MECOM: variants seen among roughly 807,000 people sequenced by gnomAD.
The protein encoded by MECOM is histone-lysine N-methyltransferase MECOM.
In MECOM, 13 loss-of-function variants were observed where a neutral mutation model predicts 116.3. The ratio of observed to expected loss-of-function variants is 0.11; its 90% CI spans 0.07 to 0.18. The LOEUF (loss-of-function observed/expected upper bound fraction) is 0.18. Ranked by LOEUF, MECOM falls within the 10% of genes least tolerant of loss-of-function variation. The pLI, the probability that MECOM is intolerant of heterozygous loss-of-function variation, is 1.00. For synonymous variants in MECOM, 528 were observed against 535.2 expected (o/e 0.99, Z 0.19); for missense variants, 1,299 against 1,509.0 (o/e 0.86, Z 2.31).
At chr3:169,566,889 A>T (rs561483693) in intron 1 of MECOM, among the ~76,000 whole-genome samples, 1 of 152,370 alleles carries the variant, frequency 6.6e-6, no homozygotes, top group East Asian at 1.9e-4. Context: ...GTCATCCAAC[A>T]TGGTGAGGAA....
intron 1 of MECOM, among the ~76,000 whole-genome samples, chr3:169,434,581 C>G (rs1742319831): frequency 6.6e-6 from 1 of 151,988 alleles, no homozygotes; most frequent in Non-Finnish European, 1.5e-5. Context: ...AACAAAAAGA[C>G]AGCAGATTTA....
intron 2 of MECOM, among the ~76,000 whole-genome samples, chr3:169,166,582 A>G (rs1341862950): frequency 1.3e-5 from 2 of 152,188 alleles, no homozygotes; most frequent in Non-Finnish European, 2.9e-5. Context: ...AATCAATATA[A>G]AACCAAAAAT....
At chr3:169,106,336 T>C (rs969305303) in intron 10 of MECOM, among the ~76,000 whole-genome samples, 4 of 152,116 alleles carry the variant, frequency 2.6e-5, no homozygotes, top group African/African-American at 7.2e-5. Flanking sequence ...GGTGTATATA[T>C]CTGTGGGATA....
intron 2 of MECOM, among the ~76,000 whole-genome samples, chr3:169,317,590 C>T (rs184306945): frequency 1.2e-4 from 19 of 152,298 alleles, no homozygotes; most frequent in Admixed American, 3.9e-4. Flanking sequence ...GTTTATTTTA[C>T]TGAAATCCAG....
Position 169,162,750 on chromosome 3 carries a change from C to T in MECOM, c.376-18918G>A, listed in dbSNP as rs1424742466. Among the ~76,000 whole-genome samples the T allele has an allele frequency of 3.3e-5, 5 of 152,150 alleles. No individual in the cohort carries two copies. The East Asian group carries it at 5.8e-4, about 18-fold the overall frequency. ...GTTCCAAACAGATAGATTAATTTTC[C>T]GATGGATTCCAATATACCAGACAGT... On this transcript the variant is annotated intron_variant, in intron 2 of 16. Transcript: ENST00000651503.
rs760399228 is a variant in MECOM at position 169,095,289 on chromosome 3, G to T, written c.2850-44C>A. The T allele has an allele frequency of 3.2e-6, 5 of 1,547,148 alleles. 1 individual carries two copies. In the African/African-American group the frequency reaches 4.1e-5, roughly 13 times the overall value. ...GAAAATATTAGCAAGCACATTAAAA[G>T]GTATTTCTCAAGACTAGTTAGCCAG... On this transcript the variant is annotated intron_variant, in intron 12 of 16. Coordinates refer to ENST00000651503, the MANE Select transcript of MECOM (RefSeq NM_004991.4).
intron 1 of MECOM, among the ~76,000 whole-genome samples, chr3:169,584,340 C>A (rs985077504): frequency 2.0e-5 from 3 of 151,522 alleles, no homozygotes; most frequent in Non-Finnish European, 4.4e-5. Flanking sequence ...CCGGGGCGGG[C>A]GGATCACGAG....
chr3:169,362,827 T>C (rs1728522941), intron 2 of MECOM, among the ~76,000 whole-genome samples: 1 of 151,978 alleles, frequency 6.6e-6, no homozygotes, highest in African/African-American at 2.4e-5. Flanking sequence ...TCTTGGGGCT[T>C]TGCTGTTTCA....
intron 2 of MECOM, among the ~76,000 whole-genome samples, chr3:169,330,865 A>G (rs1722606840): frequency 6.6e-6 from 1 of 152,110 alleles, no homozygotes; most frequent in African/African-American, 2.4e-5. Context: ...TCTTATGCAC[A>G]GACCCTAAAT....
At chr3:169,606,540 G>A (rs966681865) in intron 1 of MECOM, among the ~76,000 whole-genome samples, 2 of 152,120 alleles carry the variant, frequency 1.3e-5, no homozygotes, top group African/African-American at 4.8e-5. Flanking sequence ...CTACTAGTTA[G>A]CATACAGACT....
chr3:169,378,504 A>AGC (rs1731696050), intron 2 of MECOM, among the ~76,000 whole-genome samples: 3 of 25,652 alleles, frequency 1.2e-4, no homozygotes, highest in South Asian at 1.1e-3. Flanking sequence ...AAAGAAAGAA[A>AGC]GAAAGAAAGA....
chr3:169,341,578 A>G (rs1395605302), intron 2 of MECOM, among the ~76,000 whole-genome samples: 1 of 151,924 alleles, frequency 6.6e-6, no homozygotes, highest in Middle Eastern at 3.2e-3. Context: ...CATCTCTACT[A>G]AAAATACAAA....
rs766847183 is a variant in MECOM, at chr3:169,116,547, C to G, written c.1325G>C (p.Gly442Ala). The G allele has an allele frequency of 6.2e-7, 1 of 1,614,138 alleles. No homozygotes were observed. The highest frequency in any genetic ancestry group is 2.2e-5 in the East Asian group (1 of 44,888). Residue 442 changes from glycine to alanine, a missense_variant, in exon 8 of 17, where the codon GGC (glycine) becomes GCC (alanine). Gly to Ala is a moderately conservative substitution (Grantham distance 60). Coordinates refer to ENST00000651503, the MANE Select transcript of MECOM (RefSeq NM_004991.4). ...AGCTGGGGTTCCAGGAAGTGAAATG[C>G]CTTGGCCAAAAAATCCACCTGCCGC... ...HFAAGGFFGQ[G>A]ISLPGTPAMD...
intron 2 of MECOM, among the ~76,000 whole-genome samples, chr3:169,182,284 A>G (rs1305524443): frequency 6.6e-6 from 1 of 152,222 alleles, no homozygotes; most frequent in Non-Finnish European, 1.5e-5. Flanking sequence ...GACAATCAGC[A>G]TACTCTTCTT....
At chr3:169,328,032 G>A (rs1018329324) in intron 2 of MECOM, among the ~76,000 whole-genome samples, 13 of 152,280 alleles carry the variant, frequency 8.5e-5, no homozygotes, top group African/African-American at 2.9e-4. Flanking sequence ...TATCATTTTA[G>A]CTGTCTCAAG....
At chr3:169,235,934 T>C (rs1754004888) in intron 2 of MECOM, among the ~76,000 whole-genome samples, 1 of 152,118 alleles carries the variant, frequency 6.6e-6, no homozygotes, top group Non-Finnish European at 1.5e-5. Context: ...CCTTTTTTTT[T>C]ACTTTATAAT....
chr3:169,398,131 G>A (rs1735294438), intron 1 of MECOM, among the ~76,000 whole-genome samples: 1 of 152,150 alleles, frequency 6.6e-6, no homozygotes, highest in African/African-American at 2.4e-5. Flanking sequence ...AATACATGTG[G>A]AAACATGGCA....
chr3:169,260,457 A>G (rs1253053734), intron 2 of MECOM, among the ~76,000 whole-genome samples: 1 of 145,588 alleles, frequency 6.9e-6, no homozygotes, highest in African/African-American at 2.7e-5. Flanking sequence ...GCAAGCATGC[A>G]ATGATTTTTT....
chr3:169,118,550 C>G (rs916432653), intron 7 of MECOM, among the ~76,000 whole-genome samples: 2 of 151,888 alleles, frequency 1.3e-5, no homozygotes, highest in Non-Finnish European at 2.9e-5. Context: ...TAGCTACAAG[C>G]AATAACAATA....
Sources: gnomAD v4.1 joint callset for allele counts (sites outside exome capture counted in the v4.1 genomes callset) on GRCh38, gnomAD v4.1.1 for gene constraint, MANE v1.5 for transcripts, NCBI Gene and HGNC (gene_info 2026-07-23, HGNC 2026-07-21) for gene names.